The following RNF217 variants were observed in gnomAD, a reference collection of about 807,000 sequenced individuals.
RNF217 encodes the protein E3 ubiquitin-protein ligase RNF217.
RNF217 carries 31 observed loss-of-function variants against 57.8 expected under a neutral mutation model. The observed-to-expected ratio is 0.54, with a 90% CI of 0.40 to 0.72. RNF217 has a LOEUF of 0.72. Among genes scored for constraint, RNF217 ranks in the 30% least tolerant of loss-of-function variants. The probability of loss-of-function intolerance (pLI) is 0.00; values close to 1 mark genes in which losing one functional copy is unlikely to be tolerated. For missense variants in RNF217, 696 were observed against 708.3 expected (o/e 0.98, Z 0.20); for synonymous variants, 313 against 294.0 (o/e 1.06, Z -0.66).
At chr6:125,049,579 C>T (rs755803521) in intron 2 of RNF217, among the ~76,000 whole-genome samples, 4 of 151,768 alleles carry the variant, frequency 2.6e-5, no homozygotes, top group Non-Finnish European at 5.9e-5. Flanking sequence ...ATCGTTTCCA[C>T]GTCTTTAACT....
intron 1 of RNF217, among the ~76,000 whole-genome samples, chr6:125,044,492 C>G (rs1026967529): frequency 3.9e-5 from 6 of 152,038 alleles, no homozygotes; most frequent in Non-Finnish European, 8.8e-5. Context: ...TGTATCCTCC[C>G]TTCTCTCCTA....
At chr6:125,040,046 GCAAA>G (rs1786811085) in intron 1 of RNF217, among the ~76,000 whole-genome samples, 1 of 151,932 alleles carries the variant, frequency 6.6e-6, no homozygotes, top group Admixed American at 6.6e-5. Context: ...AGAAGCAAGA[GCAAA>G]CAAATTCAAA....
intron 1 of RNF217, among the ~76,000 whole-genome samples, chr6:124,973,353 T>C (rs1783832010): frequency 6.6e-6 from 1 of 152,186 alleles, no homozygotes; most frequent in Non-Finnish European, 1.5e-5. Flanking sequence ...GTCCTGCTGT[T>C]AAGGTTCTTA....
At chr6:125,005,997 C>G (rs778005832) in intron 1 of RNF217, 2 of 152,122 alleles carry the variant, frequency 1.3e-5, no homozygotes, top group Non-Finnish European at 2.9e-5. Flanking sequence ...TGGTAATGGG[C>G]TGTTAATTAA....
chr6:125,046,737 G>A (rs981454046), intron 2 of RNF217: 15 of 453,380 alleles, frequency 3.3e-5, no homozygotes, highest in Non-Finnish European at 6.2e-5. Context: ...GGGGACCATG[G>A]TTTAGCAGGT....
chr6:125,070,962 C>T (rs1289201110), intron 3 of RNF217, among the ~76,000 whole-genome samples: 1 of 152,066 alleles, frequency 6.6e-6, no homozygotes, highest in East Asian at 1.9e-4. Flanking sequence ...CAGATGTATA[C>T]TGATTTAGTC....
At position 125,091,032 on chromosome 6, in the gene RNF217, A is replaced by G. The variant is rs764572211; in HGVS notation, c.*8095A>G. The G allele has an allele frequency of 6.6e-5, 10 of 152,076 alleles. No individual in the cohort carries two copies. Among genetic ancestry groups the G allele is most frequent in the Non-Finnish European group, 1.5e-4 (10 of 67,908 alleles). The allele number at this position is 152,076 out of a possible 1,614,324, so 9.4% of individuals were successfully genotyped here. ...TTACGTTGAGATGAAATGTTGAGAA[A>G]TAAGGAGTATCTTAAAAACCTAATT... On this transcript the variant is annotated 3_prime_UTR_variant, in exon 6 of 6. Coordinates refer to ENST00000521654, the MANE Select transcript of RNF217 (RefSeq NM_001286398.3).
At chr6:125,078,369 C>G (rs1204071724) in intron 4 of RNF217, among the ~76,000 whole-genome samples, 2 of 152,100 alleles carry the variant, frequency 1.3e-5, no homozygotes, top group Non-Finnish European at 2.9e-5. Flanking sequence ...ACTTCAGTGC[C>G]ACCTTTAATT....
chr6:125,052,973 C>A (rs1787384572), intron 2 of RNF217, among the ~76,000 whole-genome samples: 1 of 152,076 alleles, frequency 6.6e-6, no homozygotes, highest in African/African-American at 2.4e-5. Flanking sequence ...CAGGGTTGAG[C>A]TAGCTGAAGT....
intron 4 of RNF217, among the ~76,000 whole-genome samples, chr6:125,080,065 A>G (rs1000990729): frequency 2.0e-5 from 3 of 152,112 alleles, no homozygotes; most frequent in Non-Finnish European, 2.9e-5. Flanking sequence ...TTTTATTACT[A>G]TTAGGAAAAT....
chr6:124,995,890 C>G (rs1460430585), intron 1 of RNF217, among the ~76,000 whole-genome samples: 1 of 152,026 alleles, frequency 6.6e-6, no homozygotes. Flanking sequence ...TCATTGCACT[C>G]CAGCCTGGGT....
rs182080519 is a variant in RNF217 at position 125,076,595 on chromosome 6, G to T, written c.1282-62G>T. On this transcript the variant is annotated intron_variant, in intron 3 of 5. Transcript: ENST00000521654. Reference sequence around the variant, plus strand: ...GTAAGTGTTGTTTCATAAAATTTGCGATTTTGCTTTTTAAAAACTCAGCTA... The same window carrying T: ...GTAAGTGTTGTTTCATAAAATTTGCTATTTTGCTTTTTAAAAACTCAGCTA... The T allele has an allele frequency of 5.7e-6, 7 of 1,233,986 alleles. No homozygotes were observed. In the East Asian group the frequency reaches 9.3e-5, roughly 16 times the overall value. 76.4% of individuals were successfully genotyped at this position (1,233,986 alleles called of 1,614,324 possible). A position where few individuals can be genotyped will look rare whatever the true frequency, so the allele number is the denominator to read the frequency against.
intron 3 of RNF217, 111 bp downstream of exon 3, chr6:125,058,217 A>G (rs928088936): frequency 1.1e-6 from 1 of 885,236 alleles, no homozygotes. Context: ...TATGTGGAAA[A>G]AGAGTATTGC....
chr6:124,973,399 C>A (rs1783834691), intron 1 of RNF217, among the ~76,000 whole-genome samples: 1 of 152,142 alleles, frequency 6.6e-6, no homozygotes, highest in South Asian at 2.1e-4. Context: ...GTATTTACCT[C>A]TTTTTATTAA....
At chr6:125,052,741 C>T (rs1787373979) in intron 2 of RNF217, among the ~76,000 whole-genome samples, 1 of 152,120 alleles carries the variant, frequency 6.6e-6, no homozygotes. Context: ...CTCCACATCT[C>T]ATCTTCAAGA....
chr6:124,999,693 G>T (rs1784895411), intron 1 of RNF217, among the ~76,000 whole-genome samples: 1 of 151,994 alleles, frequency 6.6e-6, no homozygotes, highest in Admixed American at 6.6e-5. Context: ...GCTTTGAAAA[G>T]CTTGGAGCAG....
chr6:124,968,265 G>A (rs952256877), intron 1 of RNF217, among the ~76,000 whole-genome samples: 1 of 151,966 alleles, frequency 6.6e-6, no homozygotes, highest in African/African-American at 2.4e-5. Flanking sequence ...CTGTTTTGAG[G>A]TCACTCTAAA....
chr6:124,983,535 A>G, intron 1 of RNF217: 2 of 966,828 alleles, frequency 2.1e-6, no homozygotes, highest in Non-Finnish European at 2.5e-6. Context: ...GATACTAAAT[A>G]CTGAAACTAA....
chr6:125,054,200 GA>G (rs1187777974), intron 2 of RNF217, among the ~76,000 whole-genome samples: 2 of 152,116 alleles, frequency 1.3e-5, no homozygotes, highest in Non-Finnish European at 2.9e-5. Flanking sequence ...AAGAAATAGG[GA>G]AGACATCTTG....
Sources: allele counts gnomAD v4.1 joint callset (sites outside exome capture counted in the v4.1 genomes callset), GRCh38; gene constraint gnomAD v4.1.1; transcripts MANE v1.5; gene names NCBI Gene and HGNC (gene_info 2026-07-23, HGNC 2026-07-21).